The following NALF2 variants were observed in gnomAD, a reference collection of about 807,000 sequenced individuals.
The protein encoded by NALF2 is NALCN channel auxiliary factor 2.
A neutral mutation model predicts 24.8 loss-of-function variants in NALF2; 1 was observed. The ratio of observed to expected loss-of-function variants is 0.04; its 90% CI spans 0.01 to 0.19. The LOEUF is 0.19. NALF2 is among the 10% of genes least tolerant of loss of function. The pLI is 1.00. For missense variants in NALF2, 458 were observed against 409.6 expected (o/e 1.12, Z -1.02); for synonymous variants, 254 against 189.8 (o/e 1.34, Z -2.78).
At chrX:69,516,660 C>T (rs1276413214) in intron 1 of NALF2, among the ~76,000 whole-genome samples, 1 of 111,761 alleles carries the variant, frequency 8.9e-6, no homozygotes, top group African/African-American at 3.3e-5. Flanking sequence ...CTTCTGGAGA[C>T]ATTTGCCTTC....
chrX:69,530,048 A>C lies in NALF2; in HGVS notation c.*92A>C. On this transcript the variant is annotated 3_prime_UTR_variant, in exon 3 of 3. Transcript: ENST00000252338. ...AGGGGGCTCCTCCCATGGGAGGTGT[A>C]GGATAAGGTGGGGGCGGGGGAAATG... The C allele has an allele frequency of 2.1e-6, 1 of 471,237 alleles. No homozygotes were observed. The highest frequency in any genetic ancestry group is 3.3e-6 in the Non-Finnish European group (1 of 298,676). 38.8% of individuals were successfully genotyped at this position (471,237 alleles called of 1,213,427 possible).
At chrX:69,514,560 C>T (rs1930636917) in intron 1 of NALF2, among the ~76,000 whole-genome samples, 1 of 111,580 alleles carries the variant, frequency 9.0e-6, no homozygotes, top group Non-Finnish European at 1.9e-5. Flanking sequence ...TCCCTGCTTT[C>T]ATTTCTTTTG....
chrX:69,517,337 C>G (rs1373885408), intron 1 of NALF2, among the ~76,000 whole-genome samples: 5 of 111,413 alleles, frequency 4.5e-5, no homozygotes, highest in Non-Finnish European at 7.5e-5. Flanking sequence ...TGCTAGCCCC[C>G]ATTGTTATTA....
Position 69,505,398 on chromosome X carries a change from G to T in NALF2, c.116G>T (p.Arg39Leu). 1 of 1,158,883 alleles carries T rather than the reference G, an allele frequency of 8.6e-7. No homozygotes were observed. Residue 39 changes from arginine (R) to leucine (L), a missense_variant, in exon 1 of 3, where the codon CGG becomes CTG. Coordinates refer to ENST00000252338, the MANE Select transcript of NALF2 (RefSeq NM_015686.3). The part of the protein sequence containing the change: ...PSDKPCADSE[R>L]AQRWRLSLAS... ...GACAAACCTTGCGCCGACTCCGAGC[G>T]GGCGCAGCGATGGCGACTGTCCCTG...
rs1204694709 is a variant in NALF2 at position 69,529,179 on chromosome X, C to T, written c.1033+15C>T. 1.7e-6 allele frequency: 2 copies of T among 1,197,588 alleles called. No individual in the cohort carries two copies. The highest frequency in any genetic ancestry group is 2.3e-6 in the Non-Finnish European group (2 of 888,582). ...TATCTGTACAGGTAAAGGCAGGGCA[C>T]TGGGGAAGAGGGAGGAGGCCGGGGG... On this transcript the variant is annotated intron_variant, in intron 2 of 2. Coordinates refer to ENST00000252338, the MANE Select transcript of NALF2 (RefSeq NM_015686.3).
At chrX:69,517,413 A>G (rs1245380084) in intron 1 of NALF2, among the ~76,000 whole-genome samples, 2 of 111,912 alleles carry the variant, frequency 1.8e-5, no homozygotes, top group Non-Finnish European at 3.8e-5. Context: ...CCTCATCTGT[A>G]AAGATCTGTC....
intron 1 of NALF2, among the ~76,000 whole-genome samples, chrX:69,520,263 A>G (rs190656448): frequency 8.3e-4 from 93 of 112,286 alleles, no homozygotes; most frequent in African/African-American, 2.9e-3. Context: ...TACGTGTCTG[A>G]AACAGGTCAT....
chrX:69,529,659 G>T lies in NALF2; in HGVS notation c.1122G>T (p.Lys374Asn). 1 of 1,210,393 alleles carries T rather than the reference G, an allele frequency of 8.3e-7. No individual in the cohort carries two copies. The highest frequency in any genetic ancestry group is 1.1e-6 in the Non-Finnish European group (1 of 894,872). The change falls in exon 3 of 3, where the codon AAG becomes AAT. Residue 374 changes from lysine (K) to asparagine (N), a missense_variant. Transcript: ENST00000252338. ...GTGAGGCGAAGAAGAAGAAGTTCAAGGAGTCTGAGGCCCCCAAAACCCACC... is the reference window on the plus strand; with the variant it reads ...GTGAGGCGAAGAAGAAGAAGTTCAATGAGTCTGAGGCCCCCAAAACCCACC... ...VSCEAKKKKF[K>N]ESEAPKTHQQ...
At position 69,530,735 on chromosome X, in the gene NALF2, G is replaced by A. The variant is rs1930892059; in HGVS notation, c.*779G>A. ...GGGCGATAAGTGTTGAGGTAGGCTC[G>A]AGAACTGCTCCCCAAATCAGTGAGA... On this transcript the variant is annotated 3_prime_UTR_variant, in exon 3 of 3. Transcript: ENST00000252338. 1 of 112,564 alleles carries A rather than the reference G, an allele frequency of 8.9e-6. No individual in the cohort carries two copies. Among genetic ancestry groups the A allele is most frequent in the Non-Finnish European group, 1.9e-5 (1 of 53,188 alleles). The allele number at this position is 112,564 out of a possible 1,213,427, so 9.3% of individuals were successfully genotyped here. A position where few individuals can be genotyped will look rare whatever the true frequency, so the allele number is the denominator to read the frequency against.
At position 69,529,790 on chromosome X, in the gene NALF2, T is replaced by G; in HGVS notation, c.1253T>G (p.Leu418Arg). 8.3e-7 allele frequency: 1 copy of G among 1,211,735 alleles called. No individual in the cohort carries two copies. Among genetic ancestry groups the G allele is most frequent in the Non-Finnish European group, 1.1e-6 (1 of 895,481 alleles). ...PGRVSNKPALLPVSGGSRLSP... is the reference protein window; with the variant it reads ...PGRVSNKPALRPVSGGSRLSP... ...CGTGTCAGCAACAAGCCCGCCCTGC[T>G]GCCGGTCTCTGGGGGCTCCCGCCTC... Residue 418 changes from leucine to arginine, a missense_variant, in exon 3 of 3, where the codon CTG becomes CGG. By Grantham distance (102) the Leu-to-Arg change is moderately radical. Coordinates refer to ENST00000252338, the MANE Select transcript of NALF2 (RefSeq NM_015686.3).
At chrX:69,511,191 C>A (rs1420394229) in intron 1 of NALF2, among the ~76,000 whole-genome samples, 27 of 108,413 alleles carry the variant, frequency 2.5e-4, no homozygotes, top group Non-Finnish European at 1.9e-5. Context: ...CCACCTCTTT[C>A]CTCTCAACAG....
intron 1 of NALF2, 109 bp from the exon 2 acceptor site, chrX:69,528,884 T>A (rs1930848303): frequency 1.3e-6 from 1 of 773,599 alleles, no homozygotes; most frequent in Non-Finnish European, 1.8e-6. Flanking sequence ...GATCTTGGGG[T>A]TAGGTTGGTG....
chrX:69,514,236 C>T (rs138619719), intron 1 of NALF2, among the ~76,000 whole-genome samples: 2,506 of 109,858 alleles, frequency 0.023, 72 homozygotes, highest in African/African-American at 0.079. Context: ...CTCCTTCCAG[C>T]CCCTGGTAAG....
Position 69,505,555 on chromosome X carries a change from G to A in NALF2, c.273G>A (p.Val91=). ...PWGAGRERQP[V]PPRAVLPLPP... is the part of the protein sequence containing the mutation. ...GGGCCGGCCGGGAGCGGCAGCCGGTGCCTCCTCGCGCGGTGCTGCCGCTGC... is the reference window on the plus strand; with the variant it reads ...GGGCCGGCCGGGAGCGGCAGCCGGTACCTCCTCGCGCGGTGCTGCCGCTGC... Residue 91 remains valine (V), a synonymous_variant, in exon 1 of 3, where the codon GTG becomes GTA. Transcript: ENST00000252338. 2.1e-6 allele frequency: 2 copies of A among 956,544 alleles called. No individual in the cohort carries two copies. Among genetic ancestry groups the A allele is most frequent in the South Asian group, 5.1e-5 (1 of 19,626 alleles). 78.8% of individuals were successfully genotyped at this position (956,544 alleles called of 1,213,427 possible).
intron 1 of NALF2, among the ~76,000 whole-genome samples, chrX:69,507,020 G>GGGCT (rs1930499963): frequency 1.8e-5 from 2 of 111,825 alleles, no homozygotes; most frequent in African/African-American, 6.5e-5. Flanking sequence ...AGGTGGGTGA[G>GGGCT]GGCTGCAAAC....
intron 2 of NALF2, 109 bp downstream of exon 2, chrX:69,529,273 G>A (rs1465603616): frequency 2.2e-6 from 2 of 904,703 alleles, no homozygotes; most frequent in Non-Finnish European, 1.5e-6. Context: ...GTGAGAAGAA[G>A]GCCAGTGGCT....
chrX:69,525,374 G>A (rs1017863620), intron 1 of NALF2, among the ~76,000 whole-genome samples: 8 of 111,721 alleles, frequency 7.2e-5, no homozygotes, highest in Admixed American at 5.7e-4. Flanking sequence ...CATTGAGGCA[G>A]AGCCTATGGA....
At chrX:69,522,796 G>A (rs1389770950) in intron 1 of NALF2, among the ~76,000 whole-genome samples, 2 of 111,963 alleles carry the variant, frequency 1.8e-5, no homozygotes, top group East Asian at 5.6e-4. Flanking sequence ...GACCCTGCCC[G>A]AGGGGGTTCC....
chrX:69,524,116 T>C (rs1370483507), intron 1 of NALF2, among the ~76,000 whole-genome samples: 1 of 107,650 alleles, frequency 9.3e-6, no homozygotes, highest in African/African-American at 3.4e-5. Context: ...TTTTTTTTTT[T>C]AGACAGGGTC....
Sources: allele counts gnomAD v4.1 joint callset (sites outside exome capture counted in the v4.1 genomes callset), GRCh38; gene constraint gnomAD v4.1.1; transcripts MANE v1.5; gene names NCBI Gene and HGNC (gene_info 2026-07-23, HGNC 2026-07-21).